DPY19L2: variants seen among roughly 807,000 people sequenced by gnomAD.
The protein encoded by DPY19L2 is dpy-19 like 2, also known as probable C-mannosyltransferase DPY19L2.
Under a neutral mutation model 97.9 loss-of-function variants are expected in DPY19L2, and 34 were observed. The observed-to-expected ratio is 0.35, with a 90% CI of 0.26 to 0.46. The LOEUF (loss-of-function observed/expected upper bound fraction) is 0.46. Ranked by LOEUF, DPY19L2 falls within the 20% of genes least tolerant of loss-of-function variation. The pLI, the probability that DPY19L2 is intolerant of heterozygous loss-of-function variation, is 1.00. For missense variants in DPY19L2, 623 were observed against 911.4 expected, an observed-to-expected ratio of 0.68 and a Z score of 4.07; for synonymous variants, 230 against 307.9, an observed-to-expected ratio of 0.75 and a Z score of 2.65.
At chr12:63,652,024 C>G (rs1181195342) in intron 4 of DPY19L2, 19 of 202,132 alleles carry the variant, frequency 9.4e-5, no homozygotes, top group South Asian at 3.4e-4. Flanking sequence ...GCCCACATGT[C>G]CCCTGAGCCC....
intron 6 of DPY19L2, among the ~76,000 whole-genome samples, chr12:63,637,771 C>G (rs1480163918): frequency 6.6e-6 from 1 of 152,086 alleles, no homozygotes; most frequent in South Asian, 2.1e-4. Flanking sequence ...CCCAATCCTA[C>G]CAGAGGTACA....
At position 63,624,107 on chromosome 12, in the gene DPY19L2, G is replaced by A; in HGVS notation, c.886C>T (p.Pro296Ser). ...GEATRVMWTP[P>S]LRESFSYPFL... is the part of the protein sequence containing the mutation. ...GGATAGGAAAAACTTTCACGGAGAG[G>A]TGGTGTCCACATCACACGGGTGGCC... The change falls in exon 8 of 22, where the codon CCT (proline) becomes TCT (serine). Residue 296 changes from proline to serine, a missense_variant. Pro to Ser is a moderately conservative substitution (Grantham distance 74). Transcript: ENST00000324472. The A allele has an allele frequency of 6.2e-7, 1 of 1,611,624 alleles. No homozygotes were observed. The highest frequency in any genetic ancestry group is 8.5e-7 in the Non-Finnish European group (1 of 1,179,562).
intron 6 of DPY19L2, among the ~76,000 whole-genome samples, chr12:63,634,637 C>A (rs1045086886): frequency 3.9e-5 from 6 of 152,014 alleles, no homozygotes; most frequent in Admixed American, 2.0e-4. Flanking sequence ...AGATTACATC[C>A]CGCACATGGC....
chr12:63,660,676 T>G (rs1215211978), intron 4 of DPY19L2, among the ~76,000 whole-genome samples: 1 of 152,082 alleles, frequency 6.6e-6, no homozygotes, highest in Non-Finnish European at 1.5e-5. Context: ...TAAAGAATAA[T>G]AATTTTTAAA....
chr12:63,667,569 C>T (rs1363654987), intron 1 of DPY19L2, among the ~76,000 whole-genome samples: 1 of 152,120 alleles, frequency 6.6e-6, no homozygotes, highest in Non-Finnish European at 1.5e-5. Context: ...GAAACAAAGA[C>T]CATTAGACAC....
At chr12:63,644,371 T>C in intron 6 of DPY19L2, 32 bp downstream of exon 6, 1 of 1,589,354 alleles carries the variant, frequency 6.3e-7, no homozygotes, top group South Asian at 1.2e-5. Flanking sequence ...AAAAGCCCAC[T>C]GAAAGGTCTC....
chr12:63,593,662 G>C (rs905705566), intron 16 of DPY19L2, among the ~76,000 whole-genome samples: 24 of 152,070 alleles, frequency 1.6e-4, no homozygotes, highest in African/African-American at 5.8e-4. Flanking sequence ...AGAGGGGAGG[G>C]ATAGCTTTAG....
intron 16 of DPY19L2, among the ~76,000 whole-genome samples, chr12:63,593,530 G>T (rs183879030): frequency 1.1e-4 from 17 of 151,260 alleles, no homozygotes; most frequent in South Asian, 2.1e-4. Flanking sequence ...CTCAGTAAAC[G>T]ATTGCAAGAA....
Position 63,560,383 on chromosome 12 carries a change from C to A in DPY19L2, c.*129G>T. 4.3e-6 allele frequency: 5 copies of A among 1,174,490 alleles called. No individual in the cohort carries two copies. The highest frequency in any genetic ancestry group is 2.3e-5 in the South Asian group (1 of 43,846). The allele number at this position is 1,174,490 out of a possible 1,614,324, so 72.8% of individuals were successfully genotyped here. A position where few individuals can be genotyped will look rare whatever the true frequency, so the allele number is the denominator to read the frequency against. ...ACCTTTTAGTAATCAGAAAAATTTC[C>A]AATCCATTTTTATCTTATTTTTAAG... On this transcript the variant is annotated 3_prime_UTR_variant, in exon 22 of 22. Coordinates refer to ENST00000324472, the MANE Select transcript of DPY19L2 (RefSeq NM_173812.5).
chr12:63,667,906 A>C, intron 1 of DPY19L2, 151 bp downstream of exon 1: 1 of 884,864 alleles, frequency 1.1e-6, no homozygotes, highest in East Asian at 2.6e-5. Flanking sequence ...TGGTTCAATG[A>C]CAAGATCTTT....
chr12:63,615,808 A>G (rs1415965532), intron 11 of DPY19L2, among the ~76,000 whole-genome samples: 1 of 152,122 alleles, frequency 6.6e-6, no homozygotes, highest in Non-Finnish European at 1.5e-5. Flanking sequence ...TCATTTAGAG[A>G]GTTATAATTT....
rs1489998489 is a variant in DPY19L2 at position 63,637,154 on chromosome 12, T to C, written c.803+7249A>G. On this transcript the variant is annotated intron_variant, in intron 6 of 21. Coordinates refer to ENST00000324472, the MANE Select transcript of DPY19L2 (RefSeq NM_173812.5). ...ACTCACTCAAAACCACACAACTACATGGAAATTGAATAACCTGCTCCTGAA... is the reference window on the plus strand; with the variant it reads ...ACTCACTCAAAACCACACAACTACACGGAAATTGAATAACCTGCTCCTGAA... 2.6e-5 allele frequency among the ~76,000 whole-genome samples: 4 copies of C among 152,130 alleles called. No homozygotes were observed. In the South Asian group the frequency reaches 6.2e-4, roughly 24 times the overall value.
At chr12:63,587,126 T>A (rs1001184109) in intron 16 of DPY19L2, among the ~76,000 whole-genome samples, 2 of 152,036 alleles carry the variant, frequency 1.3e-5, no homozygotes, top group African/African-American at 4.8e-5. Context: ...AGAAAGCAGA[T>A]GTGGCAATAT....
chr12:63,668,321 C>T lies in DPY19L2; in HGVS notation c.73G>A (p.Ala25Thr), dbSNP rs753408757. 6.2e-6 allele frequency: 10 copies of T among 1,613,888 alleles called. No homozygotes were observed. In the East Asian group the frequency reaches 2.2e-4, roughly 36 times the overall value. Residue 25 changes from alanine (A) to threonine (T), a missense_variant, in exon 1 of 22, where the codon GCC becomes ACC. Ala to Thr is a moderately conservative substitution (Grantham distance 58, BLOSUM62 0). This residue lies in a region of DPY19L2 where 144 missense variants were observed against 119.4 expected (regional missense o/e 1.21). Transcript: ENST00000324472. ...ACCTCCGGCTCCCGGGCGAGGGAGG[C>T]CCCGCGCCGCCCCTTAGACTGGCTG... is the stretch of plus-strand genomic sequence containing the variant. ...GRSQSKGRRG[A>T]SLAREPEVEE...
chr12:63,585,605 TGCAAGGAAGAA>T (rs1881664347), intron 16 of DPY19L2, among the ~76,000 whole-genome samples: 1 of 152,076 alleles, frequency 6.6e-6, no homozygotes. Context: ...GTGAGCTGCA[TGCAAGGAAGAA>T]GCCTGGTAGG....
At chr12:63,561,381 GA>G (rs1876472013) in intron 21 of DPY19L2, among the ~76,000 whole-genome samples, 2 of 152,136 alleles carry the variant, frequency 1.3e-5, no homozygotes, top group African/African-American at 2.4e-5. Flanking sequence ...TCGTAATACA[GA>G]AAATTTCCAT....
intron 19 of DPY19L2, 90 bp downstream of exon 19, chr12:63,580,572 T>C: frequency 7.5e-7 from 1 of 1,329,534 alleles, no homozygotes; most frequent in Non-Finnish European, 1.0e-6. Flanking sequence ...CATACACACA[T>C]ATATCAGAAA....
intron 6 of DPY19L2, among the ~76,000 whole-genome samples, chr12:63,629,135 T>A (rs983916596): frequency 2.0e-5 from 3 of 151,946 alleles, no homozygotes; most frequent in Admixed American, 1.3e-4. Flanking sequence ...GCAGAAAAAC[T>A]GGAAACTCTA....
intron 12 of DPY19L2, among the ~76,000 whole-genome samples, chr12:63,604,749 A>G (rs1194509342): frequency 6.6e-6 from 1 of 152,074 alleles, no homozygotes; most frequent in South Asian, 2.1e-4. Flanking sequence ...TTGCTTCCAG[A>G]GTAATTAAAA....
Sources: allele counts gnomAD v4.1 joint callset (sites outside exome capture counted in the v4.1 genomes callset), GRCh38; gene constraint gnomAD v4.1.1; regional missense constraint gnomAD v4.1.1; transcripts MANE v1.5; gene names NCBI Gene and HGNC (gene_info 2026-07-23, HGNC 2026-07-21).